FLNB: variants seen among roughly 807,000 people sequenced by gnomAD.
FLNB encodes filamin B, also known as filamin-B.
A neutral mutation model predicts 250.6 loss-of-function variants in FLNB; 111 were observed. The observed-to-expected ratio is 0.44, with a 90% CI of 0.38 to 0.52. The LOEUF is 0.52. Ranked by LOEUF, FLNB falls within the 20% of genes least tolerant of loss-of-function variation. FLNB has a pLI of 0.00. For missense variants in FLNB, 2,869 were observed against 3,447.8 expected, an observed-to-expected ratio of 0.83 and a Z score of 4.20; for synonymous variants, 1,302 against 1,372.1, an observed-to-expected ratio of 0.95 and a Z score of 1.13.
At chr3:58,158,477 T>G (rs1208305527) in intron 41 of FLNB, among the ~76,000 whole-genome samples, 1 of 152,166 alleles carries the variant, frequency 6.6e-6, no homozygotes, top group Non-Finnish European at 1.5e-5. Context: ...CCTGAGAACT[T>G]CAGTCCCAGA....
intron 29 of FLNB, among the ~76,000 whole-genome samples, chr3:58,140,121 G>A (rs920941533): frequency 6.6e-6 from 1 of 152,174 alleles, no homozygotes; most frequent in Non-Finnish European, 1.5e-5. Context: ...TAGATGGACT[G>A]ACTGACTGTT....
At chr3:58,136,792 C>A (rs1173975835) in intron 28 of FLNB, among the ~76,000 whole-genome samples, 1 of 115,094 alleles carries the variant, frequency 8.7e-6, no homozygotes, top group Non-Finnish European at 1.6e-5. Context: ...TGCTCTGTTG[C>A]CCAGGCTGGA....
intron 1 of FLNB, among the ~76,000 whole-genome samples, chr3:58,059,315 GA>G (rs1559664010): frequency 6.6e-6 from 1 of 152,122 alleles, no homozygotes. Context: ...TTAAGCTAAG[GA>G]AAAAAGAAAA....
chr3:58,083,678 G>A lies in FLNB; in HGVS notation c.787+1902G>A, dbSNP rs371013775. Among the ~76,000 whole-genome samples, 80 of 152,198 alleles carry A rather than the reference G, an allele frequency of 5.3e-4. No homozygotes were observed. In the East Asian group the frequency reaches 0.014, roughly 27 times the overall value. ...TGGCTAGGGCAGTGATGCTGACCAC[G>A]TGCTGTTCTCACCTCAGTGGTCGAG... On this transcript the variant is annotated intron_variant, in intron 4 of 45. Coordinates refer to ENST00000295956, the MANE Select transcript of FLNB (RefSeq NM_001457.4).
chr3:58,132,091 T>C, intron 25 of FLNB: 1 of 1,000,080 alleles, frequency 1.0e-6, no homozygotes, highest in Non-Finnish European at 1.5e-6. Context: ...CTAAAATTGC[T>C]TACACCTGCC....
intron 1 of FLNB, among the ~76,000 whole-genome samples, chr3:58,047,694 C>A (rs1052408663): frequency 5.3e-5 from 8 of 151,924 alleles, no homozygotes; most frequent in African/African-American, 1.9e-4. Flanking sequence ...CTGCCTTAGT[C>A]TCCTGAGTAG....
Position 58,130,914 on chromosome 3 carries a change from T to G in FLNB, c.4390+6T>G. 2 of 1,608,530 alleles carry G rather than the reference T, an allele frequency of 1.2e-6. No homozygotes were observed. Among genetic ancestry groups the G allele is most frequent in the Non-Finnish European group, 1.7e-6 (2 of 1,177,950 alleles). On this transcript the variant is annotated splice_donor_region_variant and intron_variant, in intron 25 of 45. Coordinates refer to ENST00000295956, the MANE Select transcript of FLNB (RefSeq NM_001457.4). The stretch of plus-strand genomic sequence containing the variant: ...GAGGGTTCTGGGCCCACGAGGTAAG[T>G]GTGCACCCTGCCTTCCTGCAGACAT...
intron 16 of FLNB, among the ~76,000 whole-genome samples, chr3:58,111,546 A>G (rs910035600): frequency 1.1e-4 from 16 of 152,302 alleles, no homozygotes; most frequent in Non-Finnish European, 5.9e-5. Flanking sequence ...TTAAAGGCTC[A>G]AAGTCCTCGG....
At chr3:58,094,293 C>G (rs2097233916) in intron 4 of FLNB, among the ~76,000 whole-genome samples, 1 of 152,184 alleles carries the variant, frequency 6.6e-6, no homozygotes, top group African/African-American at 2.4e-5. Context: ...GTCTTGAACG[C>G]CTGACTTCAG....
rs199977224 is a variant in FLNB at position 58,078,755 on chromosome 3, C to T, written c.580C>T (p.Pro194Ser). ...CTGGGAATCCTGGGACCCGCAGAAG[C>T]CTGTGGATAATGCACGAGAAGCCAT... ...PDWESWDPQK[P>S]VDNAREAMQQ... Residue 194 changes from proline to serine, a missense_variant, in exon 3 of 46, where the codon CCT becomes TCT. Transcript: ENST00000295956. 1.9e-6 allele frequency: 3 copies of T among 1,613,932 alleles called. No individual in the cohort carries two copies. The highest frequency in any genetic ancestry group is 2.5e-6 in the Non-Finnish European group (3 of 1,179,948).
At chr3:58,160,115 T>G (rs1332076299) in intron 42 of FLNB, among the ~76,000 whole-genome samples, 1 of 152,226 alleles carries the variant, frequency 6.6e-6, no homozygotes, top group Non-Finnish European at 1.5e-5. Context: ...TGTTAGTTTT[T>G]CAGATTCCTT....
At chr3:58,159,154 G>A (rs985758639) in intron 41 of FLNB, among the ~76,000 whole-genome samples, 1 of 152,080 alleles carries the variant, frequency 6.6e-6, no homozygotes, top group Admixed American at 6.6e-5. Context: ...ACATAAAACT[G>A]TGTTCGTGTT....
At chr3:58,057,395 C>G (rs1251491299) in intron 1 of FLNB, among the ~76,000 whole-genome samples, 1 of 152,236 alleles carries the variant, frequency 6.6e-6, no homozygotes, top group Non-Finnish European at 1.5e-5. Context: ...TGTGCCCAAT[C>G]TGTCCTGTCT....
At chr3:58,071,205 C>T (rs547109214) in intron 1 of FLNB, among the ~76,000 whole-genome samples, 1 of 151,538 alleles carries the variant, frequency 6.6e-6, no homozygotes, top group Non-Finnish European at 1.5e-5. Flanking sequence ...CCTCCTGTCT[C>T]AGCTTCCCAT....
intron 24 of FLNB, among the ~76,000 whole-genome samples, chr3:58,128,052 C>T (rs2097300812): frequency 6.6e-6 from 1 of 152,102 alleles, no homozygotes; most frequent in Non-Finnish European, 1.5e-5. Context: ...GAGGGCAAAG[C>T]CCCACCCCAG....
chr3:58,140,951 T>C lies in FLNB; in HGVS notation c.5110-907T>C, dbSNP rs2097325957. On this transcript the variant is annotated intron_variant, in intron 29 of 45. Transcript: ENST00000295956. ...TGTTGAAAATGAATTTATAAAAAAC[T>C]TTAGAAACATTAACTGCTGAGCATG... 2.0e-5 allele frequency among the ~76,000 whole-genome samples: 3 copies of C among 152,104 alleles called. No homozygotes were observed. In the South Asian group the frequency reaches 6.2e-4, roughly 32 times the overall value.
At chr3:58,078,961 T>A in intron 3 of FLNB, 147 bp downstream of exon 3, 2 of 663,664 alleles carry the variant, frequency 3.0e-6, no homozygotes, top group Non-Finnish European at 5.5e-6. Context: ...TTCCTCAGTT[T>A]ACCCATAATA....
chr3:58,150,024 C>G, intron 37 of FLNB, 22 bp downstream of exon 37: 1 of 1,614,278 alleles, frequency 6.2e-7, no homozygotes, highest in Admixed American at 1.7e-5. Context: ...CCATTCCCCT[C>G]CAGGTGGGAT....
chr3:58,069,136 C>G (rs1315629528), intron 1 of FLNB, among the ~76,000 whole-genome samples: 3 of 131,296 alleles, frequency 2.3e-5, no homozygotes, highest in East Asian at 2.2e-4. Flanking sequence ...GAGACCCTGT[C>G]TTTAAAAAAA....
Sources: allele counts gnomAD v4.1 joint callset (sites outside exome capture counted in the v4.1 genomes callset), GRCh38; gene constraint gnomAD v4.1.1; transcripts MANE v1.5; gene names NCBI Gene and HGNC (gene_info 2026-07-23, HGNC 2026-07-21).